The following CPSF2 variants were observed in gnomAD, a reference collection of about 807,000 sequenced individuals.
The protein encoded by CPSF2 is cleavage and polyadenylation specificity factor subunit 2.
In CPSF2, 51 loss-of-function variants were observed where a neutral mutation model predicts 84.2. The observed-to-expected ratio is 0.61, with a 90% CI of 0.48 to 0.77. The LOEUF is 0.77. Among genes scored for constraint, CPSF2 ranks in the 30% least tolerant of loss-of-function variants. The pLI is 0.00. For synonymous variants in CPSF2, 286 were observed against 311.9 expected (o/e 0.92, Z 0.87); for missense variants, 641 against 929.4 (o/e 0.69, Z 4.03).
chr14:92,153,886 T>TTTA (rs1483425396), intron 9 of CPSF2: 1 of 149,440 alleles, frequency 6.7e-6, no homozygotes, highest in African/African-American at 2.5e-5. Flanking sequence ...TTTTTTTTTT[T>TTTA]ATGTGGAGAC....
In CPSF2 at chr14:92,158,890, T is replaced by A; in HGVS notation, c.1822-93T>A. On this transcript the variant is annotated intron_variant, in intron 13 of 15. Coordinates refer to ENST00000298875, the MANE Select transcript of CPSF2 (RefSeq NM_017437.3). ...TGAAAGATTTTCCAATTTTAACATA[T>A]TACCAGAGGTAGAAAATGATAATAG... is the stretch of plus-strand genomic sequence containing the variant. 2 of 1,188,470 alleles carry A rather than the reference T, an allele frequency of 1.7e-6. 1 individual carries two copies. Among genetic ancestry groups the A allele is most frequent in the Middle Eastern group, 5.0e-4 (2 of 4,022 alleles). The allele number at this position is 1,188,470 out of a possible 1,614,324, so 73.6% of individuals were successfully genotyped here. A position where few individuals can be genotyped will look rare whatever the true frequency, so the allele number is the denominator to read the frequency against.
Position 92,165,765 on chromosome 14 carries a change from C to T in CPSF2, c.*4021C>T, listed in dbSNP as rs1258001061. The T allele has an allele frequency of 3.4e-5, 5 of 148,772 alleles. No individual in the cohort carries two copies. In the South Asian group the frequency reaches 6.4e-4, roughly 19 times the overall value. The allele number at this position is 148,772 out of a possible 1,614,324, so 9.2% of individuals were successfully genotyped here. ...CTGTGGCTTGTCTTTTCACTTTCTT[C>T]GTAGTGTAGTTTGAAGCACAAAAGT... On this transcript the variant is annotated 3_prime_UTR_variant, in exon 16 of 16. Coordinates refer to ENST00000298875, the MANE Select transcript of CPSF2 (RefSeq NM_017437.3).
chr14:92,154,702 A>G (rs1479370025), intron 10 of CPSF2, among the ~76,000 whole-genome samples: 4 of 152,206 alleles, frequency 2.6e-5, no homozygotes, highest in Non-Finnish European at 5.9e-5. Context: ...GCATCACTTA[A>G]TGATGGGGAC....
At chr14:92,161,614 G>GA in intron 15 of CPSF2, 38 bp from the exon 16 acceptor site, 1 of 1,420,878 alleles carries the variant, frequency 7.0e-7, no homozygotes, top group Non-Finnish European at 9.7e-7. Context: ...TTAATGAATA[G>GA]AAAATGTACT....
chr14:92,152,415 C>T (rs145716655), intron 9 of CPSF2, among the ~76,000 whole-genome samples: 7 of 151,776 alleles, frequency 4.6e-5, no homozygotes, highest in Middle Eastern at 6.8e-3. Flanking sequence ...AGGTGTGAGC[C>T]GTCGCGCCCG....
In CPSF2 at chr14:92,170,552, G is replaced by C. The variant is rs1403732272; in HGVS notation, c.*8808G>C. ...CTTACAATAACCCTTTCCTTTTTTG[G>C]TCCACAGTCCAATCAGGATGAAGCA... On this transcript the variant is annotated 3_prime_UTR_variant, in exon 16 of 16. Coordinates refer to ENST00000298875, the MANE Select transcript of CPSF2 (RefSeq NM_017437.3). 1 of 151,874 alleles carries C rather than the reference G, an allele frequency of 6.6e-6. No homozygotes were observed. Among genetic ancestry groups the C allele is most frequent in the Non-Finnish European group, 1.5e-5 (1 of 67,966 alleles). 9.4% of individuals were successfully genotyped at this position (151,874 alleles called of 1,614,324 possible).
Position 92,161,113 on chromosome 14 carries a change from T to C in CPSF2, c.2123T>C (p.Val708Ala). The change falls in exon 15 of 16, where the codon GTT becomes GCT. Residue 708 changes from valine to alanine, a missense_variant and splice_region_variant. Transcript: ENST00000298875. ...PTLEPLPPHEVPGHQSVFMNE... is the reference protein window; with the variant it reads ...PTLEPLPPHEAPGHQSVFMNE... ...CTTTCCCCTTTGACCTTATCTAAGG[T>C]TCCTGGACATCAGTCAGTTTTTATG... 6.2e-7 allele frequency: 1 copy of C among 1,613,628 alleles called. No individual in the cohort carries two copies. Among genetic ancestry groups the C allele is most frequent in the South Asian group, 1.1e-5 (1 of 91,006 alleles).
intron 3 of CPSF2, among the ~76,000 whole-genome samples, chr14:92,132,989 G>T (rs2068952546): frequency 6.6e-6 from 1 of 152,152 alleles, no homozygotes; most frequent in Non-Finnish European, 1.5e-5. Context: ...TACTCAGGAG[G>T]CTGAGGCAGG....
chr14:92,124,662 A>G (rs1169974350), intron 1 of CPSF2, among the ~76,000 whole-genome samples: 2 of 152,196 alleles, frequency 1.3e-5, no homozygotes, highest in Non-Finnish European at 2.9e-5. Flanking sequence ...GGTAGTCACT[A>G]GCCACATGTA....
Position 92,142,304 on chromosome 14 carries a change from C to G in CPSF2, c.802C>G (p.Leu268Val). Residue 268 changes from leucine to valine, a missense_variant, in exon 8 of 16, where the codon CTC becomes GTC. Leu to Val is a conservative substitution (Grantham distance 32, BLOSUM62 1). Around this residue, in one of 2 missense-constraint regions of CPSF2, gnomAD observed 211 missense variants for 375.7 expected, o/e 0.56. Coordinates refer to ENST00000298875, the MANE Select transcript of CPSF2 (RefSeq NM_017437.3). The part of the protein sequence containing the change: ...DAGLGVYSLA[L>V]LNNVSYNVVE... ...AGGATTGGGTGTTTACTCATTGGCACTCCTAAATAATGTCAGTTACAATGT... is the reference window on the plus strand; with the variant it reads ...AGGATTGGGTGTTTACTCATTGGCAGTCCTAAATAATGTCAGTTACAATGT... 6.2e-7 allele frequency: 1 copy of G among 1,613,784 alleles called. No individual in the cohort carries two copies. The highest frequency in any genetic ancestry group is 1.1e-5 in the South Asian group (1 of 91,046).
chr14:92,127,684 G>A (rs1036178100), intron 2 of CPSF2, among the ~76,000 whole-genome samples: 3 of 152,148 alleles, frequency 2.0e-5, no homozygotes, highest in Admixed American at 6.5e-5. Flanking sequence ...TCAGTGATAC[G>A]TTGATGCAGG....
At position 92,130,957 on chromosome 14, in the gene CPSF2, C is replaced by T. The variant is rs750702090; in HGVS notation, c.-28C>T. On this transcript the variant is annotated 5_prime_UTR_variant, in exon 3 of 16. Coordinates refer to ENST00000298875, the MANE Select transcript of CPSF2 (RefSeq NM_017437.3). The stretch of plus-strand genomic sequence containing the variant: ...TTTTCATTTCATTTGAAAGACTCTT[C>T]TAGCTTGCTGTTTCTGGACCAAAAA... The T allele has an allele frequency of 6.9e-6, 11 of 1,598,838 alleles. No homozygotes were observed. In the African/African-American group the frequency reaches 9.5e-5, roughly 14 times the overall value.
chr14:92,164,313 A>T lies in CPSF2; in HGVS notation c.*2569A>T, dbSNP rs2141488697. On this transcript the variant is annotated 3_prime_UTR_variant, in exon 16 of 16. Transcript: ENST00000298875. The stretch of plus-strand genomic sequence containing the variant: ...CCTATGAACAGGAATTAAATTTTAA[A>T]GTATTGCCTTAAGATGGCTGTGCTA... The T allele has an allele frequency of 6.6e-6, 1 of 152,370 alleles. No homozygotes were observed. The highest frequency in any genetic ancestry group is 2.4e-5 in the African/African-American group (1 of 41,594). The allele number at this position is 152,370 out of a possible 1,614,324, so 9.4% of individuals were successfully genotyped here. A position where few individuals can be genotyped will look rare whatever the true frequency, so the allele number is the denominator to read the frequency against.
Position 92,172,019 on chromosome 14 carries a change from C to T in CPSF2, c.*10275C>T, listed in dbSNP as rs1383049709. The T allele has an allele frequency of 6.6e-6, 1 of 152,218 alleles. No homozygotes were observed. Among genetic ancestry groups the T allele is most frequent in the Admixed American group, 6.5e-5 (1 of 15,280 alleles). The allele number at this position is 152,218 out of a possible 1,614,324, so 9.4% of individuals were successfully genotyped here. A position where few individuals can be genotyped will look rare whatever the true frequency, so the allele number is the denominator to read the frequency against. ...TCCCTTTCCTCGATCCATGACAGCA[C>T]CTGCCAGTTGAACCCCACAGTGGGA... On this transcript the variant is annotated 3_prime_UTR_variant, in exon 16 of 16. Transcript: ENST00000298875.
At chr14:92,127,641 A>G (rs903034560) in intron 2 of CPSF2, among the ~76,000 whole-genome samples, 2 of 152,172 alleles carry the variant, frequency 1.3e-5, no homozygotes, top group Non-Finnish European at 2.9e-5. Context: ...GGGAAATTCT[A>G]GAGTATTTTT....
intron 10 of CPSF2, 82 bp from the exon 11 acceptor site, chr14:92,155,041 G>A (rs2069270673): frequency 1.1e-6 from 1 of 886,924 alleles, no homozygotes; most frequent in African/African-American, 1.7e-5. Flanking sequence ...TATTGAGTAT[G>A]GATTCAGTAA....
chr14:92,162,325 C>T lies in CPSF2; in HGVS notation c.*581C>T, dbSNP rs1481930322. The T allele has an allele frequency of 6.6e-6, 1 of 152,592 alleles. No individual in the cohort carries two copies. The highest frequency in any genetic ancestry group is 1.5e-5 in the Non-Finnish European group (1 of 68,030). The allele number at this position is 152,592 out of a possible 1,614,324, so 9.5% of individuals were successfully genotyped here. ...ATTTACTCTAGGGTAAGGTAGTACA[C>T]ATTTGGTTCAGAAATTAATTTTTAT... On this transcript the variant is annotated 3_prime_UTR_variant, in exon 16 of 16. Coordinates refer to ENST00000298875, the MANE Select transcript of CPSF2 (RefSeq NM_017437.3).
At chr14:92,124,757 GA>G (rs367629118) in intron 1 of CPSF2, among the ~76,000 whole-genome samples, 7 of 152,252 alleles carry the variant, frequency 4.6e-5, no homozygotes, top group African/African-American at 1.7e-4. Flanking sequence ...GATTTAATAT[GA>G]AAATGTAAAA....
intron 9 of CPSF2, 153 bp from the exon 10 acceptor site, chr14:92,154,205 T>C (rs2069259133): frequency 1.8e-6 from 1 of 550,648 alleles, no homozygotes; most frequent in Non-Finnish European, 3.2e-6. Context: ...GGACCTATAA[T>C]TGTATGTAAT....
Sources: allele counts gnomAD v4.1 joint callset (sites outside exome capture counted in the v4.1 genomes callset), GRCh38; gene constraint gnomAD v4.1.1; regional missense constraint gnomAD v4.1.1; transcripts MANE v1.5; gene names NCBI Gene and HGNC (gene_info 2026-07-23, HGNC 2026-07-21).